CDH12: variants seen among roughly 807,000 people sequenced by gnomAD.
CDH12 encodes cadherin-12.
Under a neutral mutation model 74.1 loss-of-function variants are expected in CDH12, and 41 were observed. That is an observed-to-expected ratio of 0.55 (90% CI 0.43 to 0.72). CDH12 has a LOEUF of 0.72. Among genes scored for constraint, CDH12 ranks in the 30% least tolerant of loss-of-function variants. The probability of loss-of-function intolerance (pLI) is 0.00; values close to 1 mark genes in which losing one functional copy is unlikely to be tolerated. For synonymous variants in CDH12, 399 were observed against 355.0 expected (o/e 1.12, Z -1.39); for missense variants, 945 against 977.2 (o/e 0.97, Z 0.44).
rs1165702914 is a variant in CDH12 at position 22,327,137 on chromosome 5, T to C, written c.-333+78120A>G. Among the ~76,000 whole-genome samples the C allele has an allele frequency of 2.0e-5, 3 of 152,196 alleles. No individual in the cohort carries two copies. In the South Asian group the frequency reaches 6.2e-4, roughly 32 times the overall value. The stretch of plus-strand genomic sequence containing the variant: ...AAACTTTTTTCTGCTTGACGAGACA[T>C]TTAATACAATACAAATGTCTAATTG... On this transcript the variant is annotated intron_variant, in intron 3 of 14. Transcript: ENST00000382254.
At chr5:22,060,824 G>A (rs1489632631) in intron 5 of CDH12, among the ~76,000 whole-genome samples, 2 of 152,072 alleles carry the variant, frequency 1.3e-5, no homozygotes, top group Non-Finnish European at 2.9e-5. Context: ...GTAAAATAGA[G>A]AAAATGTCAC....
At chr5:22,084,310 A>C (rs1300155250) in intron 4 of CDH12, among the ~76,000 whole-genome samples, 1 of 152,184 alleles carries the variant, frequency 6.6e-6, no homozygotes, top group African/African-American at 2.4e-5. Context: ...CCTACCTGAC[A>C]ATTCTACATT....
At chr5:22,792,855 C>G (rs1361415654) in intron 1 of CDH12, among the ~76,000 whole-genome samples, 3 of 152,148 alleles carry the variant, frequency 2.0e-5, no homozygotes, top group Non-Finnish European at 4.4e-5. Context: ...ATTTCATCAC[C>G]ATCACCTATC....
chr5:22,335,694 C>G (rs1459310046), intron 3 of CDH12, among the ~76,000 whole-genome samples: 1 of 152,146 alleles, frequency 6.6e-6, no homozygotes, highest in East Asian at 1.9e-4. Flanking sequence ...TGCCTTCCAC[C>G]ATGTTTGTGA....
intron 14 of CDH12, among the ~76,000 whole-genome samples, chr5:21,753,772 A>G (rs1027464076): frequency 6.6e-6 from 1 of 152,224 alleles, no homozygotes; most frequent in African/African-American, 2.4e-5. Context: ...ATTTGGATAA[A>G]TGAGTGGCAG....
intron 1 of CDH12, among the ~76,000 whole-genome samples, chr5:22,573,357 G>T (rs1739628564): frequency 1.3e-5 from 2 of 152,138 alleles, no homozygotes; most frequent in Non-Finnish European, 2.9e-5. Context: ...AAACTTGAGT[G>T]TTGTGAGTTC....
chr5:21,873,450 T>C (rs1351994999), intron 6 of CDH12, among the ~76,000 whole-genome samples: 1 of 152,162 alleles, frequency 6.6e-6, no homozygotes, highest in Non-Finnish European at 1.5e-5. Context: ...GAATTGCTAT[T>C]GCCATTTAAC....
intron 6 of CDH12, among the ~76,000 whole-genome samples, chr5:21,954,783 T>A (rs1756021331): frequency 6.6e-6 from 1 of 152,132 alleles, no homozygotes; most frequent in African/African-American, 2.4e-5. Context: ...GATTAGTTAT[T>A]AATTGAATTG....
rs949387865 is a variant in CDH12, at chr5:22,131,405, C to T, written c.-186-52543G>A. The stretch of plus-strand genomic sequence containing the variant: ...ATCTCTGACCATAGTCCTAACCCAA[C>T]TTGGCTCCATAGTTGCTGGGATAAG... On this transcript the variant is annotated intron_variant, in intron 4 of 14. Coordinates refer to ENST00000382254, the MANE Select transcript of CDH12 (RefSeq NM_004061.5). 2.6e-5 allele frequency among the ~76,000 whole-genome samples: 4 copies of T among 152,114 alleles called. 1 individual carries two copies. In the South Asian group the frequency reaches 8.3e-4, roughly 31 times the overall value.
chr5:22,357,423 C>T (rs1339168464), intron 3 of CDH12, among the ~76,000 whole-genome samples: 1 of 151,692 alleles, frequency 6.6e-6, no homozygotes, highest in Admixed American at 6.6e-5. Context: ...AACTCGGTAC[C>T]CCAAATGGAA....
At chr5:21,809,077 G>A (rs1359538443) in intron 9 of CDH12, among the ~76,000 whole-genome samples, 2 of 151,922 alleles carry the variant, frequency 1.3e-5, no homozygotes, top group Non-Finnish European at 2.9e-5. Flanking sequence ...AAAAATATTT[G>A]TAACAAAACT....
At chr5:22,802,399 C>A (rs995002904) in intron 1 of CDH12, among the ~76,000 whole-genome samples, 1 of 152,058 alleles carries the variant, frequency 6.6e-6, no homozygotes, top group East Asian at 1.9e-4. Flanking sequence ...GGATTACAGG[C>A]GTGAGCTACC....
chr5:22,174,505 G>A (rs1393872903), intron 4 of CDH12, among the ~76,000 whole-genome samples: 8 of 151,926 alleles, frequency 5.3e-5, no homozygotes, highest in Admixed American at 5.3e-4. Context: ...TAACTAAACT[G>A]CAAGCCTAGA....
intron 3 of CDH12, among the ~76,000 whole-genome samples, chr5:22,397,978 A>G (rs569629420): frequency 4.0e-4 from 61 of 152,216 alleles, no homozygotes; most frequent in Admixed American, 1.4e-3. Flanking sequence ...TTGGAATTCT[A>G]GCCTCCAGGA....
intron 6 of CDH12, among the ~76,000 whole-genome samples, chr5:21,878,392 G>T (rs529893079): frequency 6.6e-6 from 1 of 152,102 alleles, no homozygotes; most frequent in East Asian, 1.9e-4. Context: ...CTCCAAATAC[G>T]TTTATTAATG....
intron 6 of CDH12, among the ~76,000 whole-genome samples, chr5:21,958,229 A>G (rs1204533784): frequency 6.6e-6 from 1 of 152,110 alleles, no homozygotes; most frequent in African/African-American, 2.4e-5. Context: ...CTTCAAGTCA[A>G]TTAAACCTTT....
intron 1 of CDH12, among the ~76,000 whole-genome samples, chr5:22,815,769 C>CAA (rs34135797): frequency 0.019 from 1,863 of 96,968 alleles, 26 homozygotes; most frequent in African/African-American, 0.037. Context: ...GACTCCGTCT[C>CAA]AAAAAAAAAA....
chr5:21,968,833 G>A lies in CDH12; in HGVS notation c.526+6258C>T, dbSNP rs3873107. ...ATGAGATCATGTCCTTTGCAGGGAC[G>A]TGGATGAAGCTGGAAGCCATTATCC... On this transcript the variant is annotated intron_variant, in intron 6 of 14. Coordinates refer to ENST00000382254, the MANE Select transcript of CDH12 (RefSeq NM_004061.5). 3.6e-3 allele frequency among the ~76,000 whole-genome samples: 541 copies of A among 152,174 alleles called. 4 individuals carry two copies. The highest frequency in any genetic ancestry group is 0.012 in the African/African-American group (501 of 41,540).
intron 1 of CDH12, among the ~76,000 whole-genome samples, chr5:22,586,933 G>A (rs752196775): frequency 6.4e-5 from 9 of 140,134 alleles, no homozygotes; most frequent in Admixed American, 1.6e-4. Flanking sequence ...TGCAACCTCC[G>A]CCTCCTGGGT....
Sources: gnomAD v4.1 joint callset for allele counts (sites outside exome capture counted in the v4.1 genomes callset) on GRCh38, gnomAD v4.1.1 for gene constraint, MANE v1.5 for transcripts, NCBI Gene and HGNC (gene_info 2026-07-23, HGNC 2026-07-21) for gene names.